Variants in CPNE8 observed in about 807,000 individuals in gnomAD.
The protein encoded by CPNE8 is copine-8.
CPNE8 carries 45 observed loss-of-function variants against 81.5 expected under a neutral mutation model. The ratio of observed to expected loss-of-function variants is 0.55; its 90% CI spans 0.44 to 0.71. The LOEUF (loss-of-function observed/expected upper bound fraction) is 0.71, where lower values mean the gene tolerates loss of function less well. Ranked by LOEUF, CPNE8 falls within the 30% of genes least tolerant of loss-of-function variation. CPNE8 has a pLI of 0.00. For synonymous variants in CPNE8, 252 were observed against 226.3 expected, an observed-to-expected ratio of 1.11 and a Z score of -1.02; for missense variants, 594 against 672.1, an observed-to-expected ratio of 0.88 and a Z score of 1.28.
At chr12:38,811,596 T>C (rs1942936794) in intron 6 of CPNE8, among the ~76,000 whole-genome samples, 1 of 152,220 alleles carries the variant, frequency 6.6e-6, no homozygotes, top group African/African-American at 2.4e-5. Context: ...GGCTCACATT[T>C]GAAGTCCCAG....
At chr12:38,857,647 T>A (rs1943764126) in intron 3 of CPNE8, among the ~76,000 whole-genome samples, 1 of 152,184 alleles carries the variant, frequency 6.6e-6, no homozygotes, top group East Asian at 1.9e-4. Flanking sequence ...AGGTAGTGGC[T>A]CACGCCTGTA....
intron 10 of CPNE8, among the ~76,000 whole-genome samples, chr12:38,746,887 G>A (rs778991932): frequency 9.9e-5 from 15 of 152,078 alleles, no homozygotes; most frequent in Admixed American, 3.3e-4. Flanking sequence ...TTTGTCTCCC[G>A]AACTAGTAAG....
intron 6 of CPNE8, among the ~76,000 whole-genome samples, chr12:38,821,822 T>C (rs929323965): frequency 6.6e-6 from 1 of 152,208 alleles, no homozygotes; most frequent in African/African-American, 2.4e-5. Context: ...TTCCAGAGAA[T>C]GAGCTCACTC....
chr12:38,666,462 TG>T (rs1565559932), intron 19 of CPNE8, among the ~76,000 whole-genome samples: 1 of 152,114 alleles, frequency 6.6e-6, no homozygotes, highest in Non-Finnish European at 1.5e-5. Flanking sequence ...TAAAGTAATA[TG>T]GGGACAAAGT....
intron 6 of CPNE8, among the ~76,000 whole-genome samples, chr12:38,816,765 G>A (rs753464055): frequency 3.1e-4 from 47 of 152,184 alleles, no homozygotes; most frequent in Non-Finnish European, 5.7e-4. Context: ...CTAAACTGCT[G>A]TCCATGTTTA....
chr12:38,817,732 T>C (rs1365735255), intron 6 of CPNE8, among the ~76,000 whole-genome samples: 1 of 148,946 alleles, frequency 6.7e-6, no homozygotes, highest in African/African-American at 2.5e-5. Context: ...CATGCCATTC[T>C]CCTGCCTCAG....
intron 9 of CPNE8, 123 bp from the exon 10 acceptor site, chr12:38,761,011 T>A (rs1592066889): frequency 2.8e-6 from 2 of 725,906 alleles, no homozygotes; most frequent in Non-Finnish European, 4.5e-6. Context: ...ATTTTACATA[T>A]GAATTTGAAG....
chr12:38,711,366 T>C (rs577477666), intron 13 of CPNE8, among the ~76,000 whole-genome samples: 9 of 152,034 alleles, frequency 5.9e-5, no homozygotes, highest in Non-Finnish European at 1.0e-4. Flanking sequence ...GACTTTGAAA[T>C]GGAGAGCTCT....
At chr12:38,846,431 A>G (rs960266890) in intron 4 of CPNE8, among the ~76,000 whole-genome samples, 1 of 152,176 alleles carries the variant, frequency 6.6e-6, no homozygotes, top group African/African-American at 2.4e-5. Context: ...ACTGATTGGC[A>G]CTACAGAAGA....
rs1229002725 is a variant in CPNE8, at chr12:38,757,188, G to A, written c.722+3659C>T. On this transcript the variant is annotated intron_variant, in intron 10 of 19. Coordinates refer to ENST00000331366, the MANE Select transcript of CPNE8 (RefSeq NM_153634.3). Reference sequence around the variant, plus strand: ...TAAAAGTTCTGGATCAACAAATAGGGTAAAAAATGACACATGTACAGGATT... The same window carrying A: ...TAAAAGTTCTGGATCAACAAATAGGATAAAAAATGACACATGTACAGGATT... 2.6e-5 allele frequency among the ~76,000 whole-genome samples: 4 copies of A among 151,870 alleles called. No homozygotes were observed. In the East Asian group the frequency reaches 7.7e-4, roughly 29 times the overall value.
At chr12:38,905,849 G>T (rs1444297666), upstream of CPNE8, 1 of 985,330 alleles carries the variant, frequency 1.0e-6, no homozygotes, top group Non-Finnish European at 1.2e-6. Flanking sequence ...TGGCTGGAGG[G>T]GTCAGGCTTG....
At chr12:38,797,777 T>A (rs1942531749) in intron 6 of CPNE8, among the ~76,000 whole-genome samples, 1 of 152,152 alleles carries the variant, frequency 6.6e-6, no homozygotes, top group Middle Eastern at 3.4e-3. Context: ...TTTGAACCAA[T>A]GGCAAAGAAG....
chr12:38,770,591 C>A (rs1283850049), intron 7 of CPNE8, among the ~76,000 whole-genome samples: 1 of 152,188 alleles, frequency 6.6e-6, no homozygotes, highest in Non-Finnish European at 1.5e-5. Flanking sequence ...AGGAAAAATG[C>A]AGAACCTTTA....
chr12:38,857,454 A>T, intron 3 of CPNE8, among the ~76,000 whole-genome samples: 1 of 152,124 alleles, frequency 6.6e-6, no homozygotes, highest in Non-Finnish European at 1.5e-5. Flanking sequence ...AAAAACACTG[A>T]ACTACATTAT....
intron 6 of CPNE8, among the ~76,000 whole-genome samples, chr12:38,791,499 T>A (rs1029680124): frequency 6.6e-6 from 1 of 151,622 alleles, no homozygotes; most frequent in Non-Finnish European, 1.5e-5. Flanking sequence ...AAGAGAGTAC[T>A]TAGAATTGCA....
Position 38,679,450 on chromosome 12 carries a change from T to C in CPNE8, c.1272-1896A>G, listed in dbSNP as rs138901002. The C allele has an allele frequency of 4.0e-3, 1,565 of 386,678 alleles. 4 individuals are homozygous for C. Among genetic ancestry groups the C allele is most frequent in the Non-Finnish European group, 5.0e-3 (1,415 of 283,010 alleles). 24.0% of individuals were successfully genotyped at this position (386,678 alleles called of 1,614,324 possible). Reference sequence around the variant, plus strand: ...TTCATAGAAATTTTATACTTTATGATAAATACATGCTTGTATTAATATTTT... The same window carrying C: ...TTCATAGAAATTTTATACTTTATGACAAATACATGCTTGTATTAATATTTT... On this transcript the variant is annotated intron_variant, in intron 16 of 19. Coordinates refer to ENST00000331366, the MANE Select transcript of CPNE8 (RefSeq NM_153634.3).
intron 1 of CPNE8, among the ~76,000 whole-genome samples, chr12:38,895,472 C>A (rs1040108829): frequency 4.6e-5 from 7 of 152,092 alleles, no homozygotes; most frequent in Admixed American, 3.3e-4. Flanking sequence ...TCTCACCCTG[C>A]CTGCTGATTT....
intron 1 of CPNE8, among the ~76,000 whole-genome samples, chr12:38,875,506 C>T (rs75457085): frequency 6.6e-6 from 1 of 152,164 alleles, no homozygotes; most frequent in South Asian, 2.1e-4. Flanking sequence ...ATAAAAATCT[C>T]GTGTTCAAGC....
chr12:38,677,281 CT>C (rs1939310636), intron 17 of CPNE8, among the ~76,000 whole-genome samples, 170 bp downstream of exon 17: 1 of 151,974 alleles, frequency 6.6e-6, no homozygotes, highest in African/African-American at 2.4e-5. Context: ...CTTGATCCCC[CT>C]GGATCAGTGG....
Sources: allele counts gnomAD v4.1 joint callset (sites outside exome capture counted in the v4.1 genomes callset), GRCh38; gene constraint gnomAD v4.1.1; transcripts MANE v1.5; gene names NCBI Gene and HGNC (gene_info 2026-07-23, HGNC 2026-07-21).